The following SYT14 variants were observed in gnomAD, a reference collection of about 807,000 sequenced individuals.
SYT14 encodes the protein synaptotagmin 14, also known as synaptotagmin-14.
SYT14 carries 32 observed loss-of-function variants against 74.2 expected under a neutral mutation model. The observed-to-expected ratio is 0.43, with a 90% CI of 0.33 to 0.58. The LOEUF is 0.58. Ranked by LOEUF, SYT14 falls within the 20% of genes least tolerant of loss-of-function variation. The pLI is 0.05. For missense variants in SYT14, 791 were observed against 981.8 expected, an observed-to-expected ratio of 0.81 and a Z score of 2.60; for synonymous variants, 298 against 337.7, an observed-to-expected ratio of 0.88 and a Z score of 1.29.
chr1:210,025,501 G>A (rs1040377837), intron 5 of SYT14, among the ~76,000 whole-genome samples: 2 of 152,070 alleles, frequency 1.3e-5, no homozygotes, highest in African/African-American at 4.8e-5. Context: ...TTTTTACATG[G>A]CATAATATTT....
At position 209,973,261 on chromosome 1, in the gene SYT14, G is replaced by A. The variant is rs193133398; in HGVS notation, c.-486+20505G>A. Reference sequence around the variant, plus strand: ...GTTTTAGGGTACATGTGCACAACGTGCAGGTTAGTTACACATGTATACATG... The same window carrying A: ...GTTTTAGGGTACATGTGCACAACGTACAGGTTAGTTACACATGTATACATG... On this transcript the variant is annotated intron_variant, in intron 2 of 9. Transcript: ENST00000637265. Among the ~76,000 whole-genome samples, 1,087 of 151,816 alleles carry A rather than the reference G, an allele frequency of 7.2e-3. 5 individuals are homozygous for A. Among genetic ancestry groups the A allele is most frequent in the Non-Finnish European group, 0.011 (756 of 67,960 alleles).
intron 5 of SYT14, among the ~76,000 whole-genome samples, chr1:210,085,953 T>C (rs1305094008): frequency 6.6e-6 from 1 of 152,198 alleles, no homozygotes; most frequent in South Asian, 2.1e-4. Flanking sequence ...TGTAAAATTG[T>C]TATTTTTTCC....
intron 2 of SYT14, among the ~76,000 whole-genome samples, chr1:209,984,986 A>C (rs2079547223): frequency 6.6e-6 from 1 of 152,048 alleles, no homozygotes; most frequent in South Asian, 2.1e-4. Flanking sequence ...ACCAGGCCCC[A>C]CCTCCAACAT....
At position 210,111,664 on chromosome 1, in the gene SYT14, A is replaced by G. The variant is rs141896524; in HGVS notation, c.2034+11203A>G. Among the ~76,000 whole-genome samples the G allele has an allele frequency of 6.5e-3, 980 of 151,238 alleles. 8 individuals carry two copies. The highest frequency in any genetic ancestry group is 0.01 in the Non-Finnish European group (692 of 68,000). ...ATACTGTAGGGTTGTTAGAAGAAAC[A>G]TTTGTTGTATAGAATGATTGGTGAT... On this transcript the variant is annotated intron_variant, in intron 7 of 9. Transcript: ENST00000637265.
At chr1:210,138,306 T>C (rs1307445232) in intron 7 of SYT14, among the ~76,000 whole-genome samples, 1 of 152,146 alleles carries the variant, frequency 6.6e-6, no homozygotes, top group Non-Finnish European at 1.5e-5. Context: ...ATGAGACTTA[T>C]TTACTATCAA....
At chr1:210,062,599 A>G (rs965748155) in intron 5 of SYT14, among the ~76,000 whole-genome samples, 3 of 151,890 alleles carry the variant, frequency 2.0e-5, no homozygotes, top group South Asian at 4.1e-4. Flanking sequence ...TTTGAATTCT[A>G]GAATTGCAGT....
chr1:209,938,968 C>T (rs1465974936), intron 1 of SYT14, among the ~76,000 whole-genome samples: 2 of 152,102 alleles, frequency 1.3e-5, no homozygotes, highest in African/African-American at 2.4e-5. Context: ...TCTTAGAATC[C>T]TGCAAATACC....
chr1:210,002,468 TG>T (rs1285903676), intron 2 of SYT14, among the ~76,000 whole-genome samples: 1 of 152,152 alleles, frequency 6.6e-6, no homozygotes, highest in African/African-American at 2.4e-5. Context: ...GTTTTTTGCA[TG>T]TAACTATTAT....
rs558780571 is a variant in SYT14 at position 210,108,626 on chromosome 1, A to AT, written c.2034+8167dup. Among the ~76,000 whole-genome samples the AT allele has an allele frequency of 3.3e-4, 49 of 149,090 alleles. No individual in the cohort carries two copies. The South Asian group carries it at 0.01, about 32-fold the overall frequency. On this transcript the variant is annotated intron_variant, in intron 7 of 9. Transcript: ENST00000637265. The stretch of plus-strand genomic sequence containing the variant: ...TTTAAATACTAATGCAAATGATTTG[A>AT]TTAAAAAAAAAAAGGACAAATAACT...
chr1:210,023,264 A>AT (rs1292420144), intron 5 of SYT14, among the ~76,000 whole-genome samples: 2 of 152,172 alleles, frequency 1.3e-5, no homozygotes, highest in Non-Finnish European at 2.9e-5. Context: ...GAGGAGGAAA[A>AT]TCAGTGAGTA....
chr1:210,029,175 C>G (rs1043026917), intron 5 of SYT14, among the ~76,000 whole-genome samples: 16 of 152,116 alleles, frequency 1.1e-4, no homozygotes, highest in Non-Finnish European at 2.2e-4. Context: ...ATATTAATCT[C>G]TTATCAGATA....
intron 1 of SYT14, among the ~76,000 whole-genome samples, chr1:209,941,619 C>T (rs932703303): frequency 3.9e-5 from 6 of 152,314 alleles, no homozygotes; most frequent in African/African-American, 1.4e-4. Flanking sequence ...CCATTCTTGA[C>T]CCTGTTGCCA....
At chr1:210,141,637 G>A (rs572541157) in intron 7 of SYT14, among the ~76,000 whole-genome samples, 1 of 152,256 alleles carries the variant, frequency 6.6e-6, no homozygotes, top group Non-Finnish European at 1.5e-5. Flanking sequence ...TTATTGTCAT[G>A]TGCATCTCAG....
At chr1:210,155,955 T>C (rs1259010010) in intron 8 of SYT14, 45 bp downstream of exon 7, 28 of 1,575,172 alleles carry the variant, frequency 1.8e-5, no homozygotes, top group East Asian at 2.3e-5. Flanking sequence ...TTCTGCACTT[T>C]TGGGACTCTC....
At chr1:210,051,141 C>T (rs1355137496) in intron 5 of SYT14, among the ~76,000 whole-genome samples, 1 of 152,120 alleles carries the variant, frequency 6.6e-6, no homozygotes, top group Non-Finnish European at 1.5e-5. Context: ...AACTGTGGTT[C>T]CTAGCAAAAT....
At chr1:209,963,766 G>A (rs935787510) in intron 2 of SYT14, among the ~76,000 whole-genome samples, 1 of 152,136 alleles carries the variant, frequency 6.6e-6, no homozygotes, top group African/African-American at 2.4e-5. Context: ...CAGATTTGGT[G>A]ATGATTTCCT....
intron 5 of SYT14, among the ~76,000 whole-genome samples, chr1:210,030,691 T>G (rs2080511977): frequency 6.6e-6 from 1 of 152,154 alleles, no homozygotes; most frequent in Admixed American, 6.6e-5. Flanking sequence ...TTTCAGTCTT[T>G]TATCATTGAG....
chr1:210,051,220 C>T (rs1180661430), intron 5 of SYT14, among the ~76,000 whole-genome samples: 6 of 152,112 alleles, frequency 3.9e-5, no homozygotes, highest in Non-Finnish European at 8.8e-5. Flanking sequence ...TACTTAAATG[C>T]CAGTACCAAT....
intron 5 of SYT14, among the ~76,000 whole-genome samples, chr1:210,059,433 T>TAC (rs2081161066): frequency 1.2e-5 from 1 of 84,280 alleles, no homozygotes; most frequent in African/African-American, 5.8e-5. Flanking sequence ...AAAGAATATA[T>TAC]ATATATATAT....
Sources: allele counts gnomAD v4.1 joint callset (sites outside exome capture counted in the v4.1 genomes callset), GRCh38; gene constraint gnomAD v4.1.1; transcripts MANE v1.5; gene names NCBI Gene and HGNC (gene_info 2026-07-23, HGNC 2026-07-21).